Variants in CGRRF1 observed in about 807,000 individuals in gnomAD.
CGRRF1 encodes the protein cell growth regulator with ring finger domain 1, also known as cell growth regulator with RING finger domain protein 1.
In CGRRF1, 32 loss-of-function variants were observed where a neutral mutation model predicts 37.2. That is an observed-to-expected ratio of 0.86 (90% CI 0.65 to 1.16). The LOEUF (loss-of-function observed/expected upper bound fraction) is 1.16, where lower values mean the gene tolerates loss of function less well. Ranked by LOEUF, CGRRF1 falls within the 50% of genes most tolerant of loss-of-function variation. The pLI is 0.00. For missense variants in CGRRF1, 391 were observed against 382.6 expected, an observed-to-expected ratio of 1.02 and a Z score of -0.18; for synonymous variants, 141 against 140.3, an observed-to-expected ratio of 1.00 and a Z score of -0.04.
At chr14:54,520,960 C>T (rs2032306783) in intron 1 of CGRRF1, among the ~76,000 whole-genome samples, 1 of 152,014 alleles carries the variant, frequency 6.6e-6, no homozygotes, top group South Asian at 2.1e-4. Context: ...ACTAAAATTT[C>T]CTAGTTTAAC....
intron 1 of CGRRF1, among the ~76,000 whole-genome samples, chr14:54,518,198 A>G (rs756570192): frequency 6.6e-6 from 1 of 152,204 alleles, no homozygotes; most frequent in African/African-American, 2.4e-5. Context: ...AGGAATTGCC[A>G]TACTGTCTTC....
At chr14:54,525,048 AAAAAT>A (rs2032390077) in intron 2 of CGRRF1, among the ~76,000 whole-genome samples, 1 of 152,120 alleles carries the variant, frequency 6.6e-6, no homozygotes, top group Non-Finnish European at 1.5e-5. Flanking sequence ...CTCTGTCTCA[AAAAAT>A]AAAATAAAAA....
chr14:54,537,878 T>G (rs1279353256), intron 5 of CGRRF1, 49 bp downstream of exon 5: 8 of 1,563,598 alleles, frequency 5.1e-6, no homozygotes, highest in Non-Finnish European at 6.0e-6. Context: ...TTTACAGAGT[T>G]TCAAAGAATG....
intron 4 of CGRRF1, among the ~76,000 whole-genome samples, chr14:54,531,877 A>G (rs1338607962): frequency 6.6e-6 from 1 of 152,180 alleles, no homozygotes; most frequent in East Asian, 1.9e-4. Context: ...CTTACACACA[A>G]TTGACTACTT....
chr14:54,524,101 T>C (rs1353764927), intron 2 of CGRRF1, among the ~76,000 whole-genome samples: 1 of 152,326 alleles, frequency 6.6e-6, no homozygotes, highest in African/African-American at 2.4e-5. Flanking sequence ...GAAATGGCTT[T>C]CTCTGAGGTC....
At chr14:54,527,604 G>A (rs997827535) in intron 2 of CGRRF1, among the ~76,000 whole-genome samples, 2 of 151,948 alleles carry the variant, frequency 1.3e-5, no homozygotes, top group Non-Finnish European at 2.9e-5. Flanking sequence ...TTTTAGTTAA[G>A]TATACAAAGT....
intron 2 of CGRRF1, among the ~76,000 whole-genome samples, chr14:54,524,249 C>G (rs555630882): frequency 2.6e-5 from 4 of 152,166 alleles, no homozygotes; most frequent in African/African-American, 9.7e-5. Context: ...TGCTCCCTTG[C>G]GTCTATGGAC....
chr14:54,518,491 G>A (rs377650079), intron 1 of CGRRF1, among the ~76,000 whole-genome samples: 3 of 151,560 alleles, frequency 2.0e-5, no homozygotes, highest in Non-Finnish European at 2.9e-5. Flanking sequence ...TGGAGGTTGC[G>A]GTGAGCTGAG....
chr14:54,524,391 T>A (rs367558204), intron 2 of CGRRF1, among the ~76,000 whole-genome samples: 12,514 of 150,502 alleles, frequency 0.083, 582 homozygotes, highest in African/African-American at 0.1. Context: ...ATATGTTTTT[T>A]TTTTTTTTTT....
At chr14:54,528,045 C>T (rs1381160863) in intron 2 of CGRRF1, among the ~76,000 whole-genome samples, 1 of 152,084 alleles carries the variant, frequency 6.6e-6, no homozygotes, top group East Asian at 1.9e-4. Flanking sequence ...CCAGCCTGTT[C>T]TTCTTTAATG....
chr14:54,511,950 C>T (rs192005973), intron 1 of CGRRF1, among the ~76,000 whole-genome samples: 227 of 152,266 alleles, frequency 1.5e-3, no homozygotes, highest in African/African-American at 5.2e-3. Flanking sequence ...GTTTTGCCCA[C>T]GTAGATAAAC....
intron 1 of CGRRF1, among the ~76,000 whole-genome samples, chr14:54,517,295 C>T (rs2032233335): frequency 6.6e-6 from 1 of 152,238 alleles, no homozygotes; most frequent in Admixed American, 6.5e-5. Context: ...GAGCTTTATT[C>T]TGGGTCACTG....
intron 3 of CGRRF1, chr14:54,530,431 T>TA (rs1469871571): frequency 1.4e-6 from 1 of 723,466 alleles, no homozygotes; most frequent in Non-Finnish European, 2.3e-6. Context: ...ATATACCCAT[T>TA]AGCACTGAAA....
chr14:54,511,270 G>T (rs1191200564), intron 1 of CGRRF1, among the ~76,000 whole-genome samples: 1 of 152,124 alleles, frequency 6.6e-6, no homozygotes, highest in Non-Finnish European at 1.5e-5. Context: ...ATAGAGCATA[G>T]AATTCCTTGC....
chr14:54,533,630 T>TA (rs2032555250), intron 4 of CGRRF1, among the ~76,000 whole-genome samples: 5 of 151,012 alleles, frequency 3.3e-5, no homozygotes, highest in Middle Eastern at 3.4e-3. Context: ...CTATATTTTT[T>TA]TAAAAAATTT....
chr14:54,529,691 A>G (rs77035335), intron 2 of CGRRF1, among the ~76,000 whole-genome samples: 5,026 of 152,300 alleles, frequency 0.033, 173 homozygotes, highest in East Asian at 0.099. Context: ...CGTTAGGATC[A>G]TATACACTAT....
At chr14:54,520,157 G>A (rs867667174) in intron 1 of CGRRF1, among the ~76,000 whole-genome samples, 5 of 151,976 alleles carry the variant, frequency 3.3e-5, no homozygotes, top group Admixed American at 3.3e-4. Flanking sequence ...CGCTCAGGCT[G>A]GAGTGCAATG....
At chr14:54,519,514 G>C (rs377451251) in intron 1 of CGRRF1, among the ~76,000 whole-genome samples, 1 of 149,764 alleles carries the variant, frequency 6.7e-6, no homozygotes, top group African/African-American at 2.5e-5. Flanking sequence ...GCCTCCCAAA[G>C]TTCTGGGATT....
intron 4 of CGRRF1, among the ~76,000 whole-genome samples, chr14:54,533,095 C>CT (rs563482531): frequency 4.0e-4 from 58 of 146,246 alleles, no homozygotes; most frequent in Middle Eastern, 3.4e-3. Flanking sequence ...TGCTCAGGGT[C>CT]TTTTTTTTTT....
Sources: gnomAD v4.1 joint callset for allele counts (sites outside exome capture counted in the v4.1 genomes callset) on GRCh38, gnomAD v4.1.1 for gene constraint, MANE v1.5 for transcripts, NCBI Gene and HGNC (gene_info 2026-07-23, HGNC 2026-07-21) for gene names.